Variants in NAP1L4 observed in about 807,000 individuals in gnomAD.
NAP1L4 encodes nucleosome assembly protein 1 like 4, also known as nucleosome assembly protein 1-like 4.
Under a neutral mutation model 58.2 loss-of-function variants are expected in NAP1L4, and 15 were observed. The ratio of observed to expected loss-of-function variants is 0.26; its 90% CI spans 0.17 to 0.40. The LOEUF (loss-of-function observed/expected upper bound fraction) is 0.40, where lower values mean the gene tolerates loss of function less well. Among genes scored for constraint, NAP1L4 ranks in the 10% least tolerant of loss-of-function variants. NAP1L4 has a pLI of 1.00. For synonymous variants in NAP1L4, 171 were observed against 155.6 expected, an observed-to-expected ratio of 1.10 and a Z score of -0.74; for missense variants, 384 against 451.1, an observed-to-expected ratio of 0.85 and a Z score of 1.35.
In NAP1L4 at chr11:2,946,490, A is replaced by G. The variant is rs16928823; in HGVS notation, c.*33-844T>C. On this transcript the variant is annotated intron_variant, in intron 15 of 15. Transcript: ENST00000380542. This position sits in a 1 kb window ranked among gnomAD's most constrained non-coding sequence, Gnocchi z 4.8. ...ATGCTTCTGCGCTAGTAACTTTACG[A>G]ACCTGTAACCTATGATTTCTGGCTA... Among the ~76,000 whole-genome samples, 441 of 152,344 alleles carry G rather than the reference A, an allele frequency of 2.9e-3. No homozygotes were observed. The highest frequency in any genetic ancestry group is 0.01 in the African/African-American group (424 of 41,570).
In NAP1L4 at chr11:2,959,941, T is replaced by C; in HGVS notation, c.607-32A>G. On this transcript the variant is annotated intron_variant, in intron 8 of 15. Coordinates refer to ENST00000380542, the MANE Select transcript of NAP1L4 (RefSeq NM_005969.4). This position sits in a 1 kb window ranked among gnomAD's most constrained non-coding sequence, Gnocchi z 4.9. ...GTAGAAATTCAGAGTAAGCACCAGT[T>C]AAAATAGAAAAATAACGAGGACAGA... The C allele has an allele frequency of 6.2e-7, 1 of 1,609,800 alleles. No individual in the cohort carries two copies. The highest frequency in any genetic ancestry group is 8.5e-7 in the Non-Finnish European group (1 of 1,177,478).
chr11:2,970,851 C>A (rs1001717524), intron 6 of NAP1L4, among the ~76,000 whole-genome samples: 23 of 51,504 alleles, frequency 4.5e-4, no homozygotes, highest in African/African-American at 1.2e-3. Context: ...ATATACCACC[C>A]CCCCCCCAAA....
chr11:2,973,102 C>T (rs946797887), intron 4 of NAP1L4, among the ~76,000 whole-genome samples: 1 of 152,218 alleles, frequency 6.6e-6, no homozygotes, highest in Admixed American at 6.5e-5. Context: ...CATAATCACA[C>T]TGTCCAGGAA....
At position 2,945,576 on chromosome 11, in the gene NAP1L4, C is replaced by G. The variant is rs763769879; in HGVS notation, c.*103G>C. On this transcript the variant is annotated 3_prime_UTR_variant, in exon 16 of 16. Coordinates refer to ENST00000380542, the MANE Select transcript of NAP1L4 (RefSeq NM_005969.4). ...CCCGCCCACAGGCCTGGAGTCCCGA[C>G]AGCCGGTCTGCCAGGCACCCGCCTC... 6.7e-5 allele frequency: 103 copies of G among 1,534,612 alleles called. No individual in the cohort carries two copies. The highest frequency in any genetic ancestry group is 8.8e-5 in the Non-Finnish European group (101 of 1,145,806).
At position 2,955,360 on chromosome 11, in the gene NAP1L4, T is replaced by A. The variant is rs2133917365; in HGVS notation, c.915+384A>T. ...TACAGGCGCTGCCACCGTGTCCAAC[T>A]AATTTTTTTTTTTTTTGGTATTTTA... On this transcript the variant is annotated intron_variant, in intron 11 of 15. Transcript: ENST00000380542. This position sits in a 1 kb window ranked among gnomAD's most constrained non-coding sequence, Gnocchi z 4.2. Among the ~76,000 whole-genome samples, 1 of 147,222 alleles carries A rather than the reference T, an allele frequency of 6.8e-6. No individual in the cohort carries two copies. Among genetic ancestry groups the A allele is most frequent in the African/African-American group, 2.7e-5 (1 of 36,916 alleles).
At chr11:2,961,489 C>A (rs545417023) in intron 8 of NAP1L4, among the ~76,000 whole-genome samples, 2 of 142,130 alleles carry the variant, frequency 1.4e-5, no homozygotes, top group East Asian at 2.2e-4. Flanking sequence ...TCTCTCCCAA[C>A]CCTCCACGGC....
intron 4 of NAP1L4, among the ~76,000 whole-genome samples, chr11:2,975,373 TCTAGGATC>T (rs780063666): frequency 1.1e-4 from 16 of 152,046 alleles, no homozygotes; most frequent in Non-Finnish European, 1.9e-4. Flanking sequence ...ATCCTAGGAT[TCTAGGATC>T]ACCACCCTTA....
rs1845973179 is a variant in NAP1L4, at chr11:2,947,000, G to A, written c.*33-1354C>T. ...AAAATGGGATGTCAGTAAAGGAGCT[G>A]TGCAGGGACGGGGAAGACTGGGGCT... On this transcript the variant is annotated intron_variant, in intron 15 of 15. Transcript: ENST00000380542. The surrounding 1 kb of genome is among the most constrained non-coding windows in gnomAD (Gnocchi z 4.8). Among the ~76,000 whole-genome samples the A allele has an allele frequency of 6.6e-6, 1 of 152,166 alleles. No homozygotes were observed. Among genetic ancestry groups the A allele is most frequent in the African/African-American group, 2.4e-5 (1 of 41,394 alleles).
chr11:2,971,358 T>C lies in NAP1L4; in HGVS notation c.402+90A>G. ...AGCAGCACCTACTGTTAGAAGCACATAAGTTTACTAGTCATTAAAAATCAT... is the reference window on the plus strand; with the variant it reads ...AGCAGCACCTACTGTTAGAAGCACACAAGTTTACTAGTCATTAAAAATCAT... On this transcript the variant is annotated intron_variant, in intron 6 of 15. Coordinates refer to ENST00000380542, the MANE Select transcript of NAP1L4 (RefSeq NM_005969.4). The surrounding 1 kb of genome is among the most constrained non-coding windows in gnomAD (Gnocchi z 4.2). 8.8e-7 allele frequency: 1 copy of C among 1,139,478 alleles called. No homozygotes were observed. Among genetic ancestry groups the C allele is most frequent in the East Asian group, 2.5e-5 (1 of 39,516 alleles). The allele number at this position is 1,139,478 out of a possible 1,614,324, so 70.6% of individuals were successfully genotyped here.
intron 1 of NAP1L4, chr11:2,992,027 C>A: frequency 6.6e-6 from 1 of 152,280 alleles, no homozygotes; most frequent in South Asian, 1.9e-4. Flanking sequence ...GGAGGGGCCT[C>A]CCGCCAGCGC....
chr11:2,952,055 T>TA (rs1846256760), intron 12 of NAP1L4: 1 of 577,276 alleles, frequency 1.7e-6, no homozygotes, highest in South Asian at 2.1e-5. Context: ...AGCCAGGGTG[T>TA]ACCCTGGACA....
At chr11:2,958,070 A>C in intron 10 of NAP1L4, 1 of 488,144 alleles carries the variant, frequency 2.0e-6, no homozygotes, top group South Asian at 1.6e-5. Flanking sequence ...CAGGTGTCCA[A>C]GTGAGGAAGC....
In NAP1L4 at chr11:2,944,461, A is replaced by G. The variant is rs1248134262; in HGVS notation, c.*1218T>C. The G allele has an allele frequency of 2.0e-5, 3 of 152,302 alleles. No homozygotes were observed. The highest frequency in any genetic ancestry group is 4.4e-5 in the Non-Finnish European group (3 of 68,072). 9.4% of individuals were successfully genotyped at this position (152,302 alleles called of 1,614,324 possible). A position where few individuals can be genotyped will look rare whatever the true frequency, so the allele number is the denominator to read the frequency against. ...CTCAATGTTTCACCACTTTAATAGA[A>G]TATTCTAACTATTCTGTACAAATTG... On this transcript the variant is annotated 3_prime_UTR_variant, in exon 16 of 16. Coordinates refer to ENST00000380542, the MANE Select transcript of NAP1L4 (RefSeq NM_005969.4).
chr11:2,975,883 T>G (rs1847926436), intron 4 of NAP1L4, 141 bp downstream of exon 4: 1 of 718,910 alleles, frequency 1.4e-6, no homozygotes, highest in South Asian at 1.9e-5. Flanking sequence ...TCCTCTCATA[T>G]CCCAGTGCCT....
intron 9 of NAP1L4, 114 bp from the exon 10 acceptor site, chr11:2,958,658 C>T: frequency 9.3e-7 from 1 of 1,071,782 alleles, no homozygotes; most frequent in South Asian, 1.6e-5. Context: ...GAAATAAAAC[C>T]AATCTGCAAA....
intron 1 of NAP1L4, among the ~76,000 whole-genome samples, chr11:2,985,931 C>T (rs1415417615): frequency 6.6e-6 from 1 of 152,186 alleles, no homozygotes; most frequent in East Asian, 1.9e-4. Context: ...TTATATTAGT[C>T]ACTGTAACAA....
intron 1 of NAP1L4, among the ~76,000 whole-genome samples, chr11:2,988,316 C>G (rs1848765305): frequency 6.6e-6 from 1 of 152,220 alleles, no homozygotes; most frequent in African/African-American, 2.4e-5. Flanking sequence ...ATCTTGTCAT[C>G]TTGTCAATAA....
intron 10 of NAP1L4, among the ~76,000 whole-genome samples, chr11:2,956,935 T>A (rs750011375): frequency 6.6e-6 from 1 of 152,224 alleles, no homozygotes; most frequent in Non-Finnish European, 1.5e-5. Flanking sequence ...TGGTATTATG[T>A]GTTTGATTAC....
intron 7 of NAP1L4, among the ~76,000 whole-genome samples, chr11:2,968,791 G>C (rs2133962611): frequency 6.6e-6 from 1 of 152,286 alleles, no homozygotes; most frequent in Non-Finnish European, 1.5e-5. Context: ...GGACGCTGGA[G>C]CAATAAAAAC....
Sources: gnomAD v4.1 joint callset for allele counts (sites outside exome capture counted in the v4.1 genomes callset) on GRCh38, gnomAD v4.1.1 for gene constraint, Gnocchi (gnomAD v3.1) non-coding constraint, MANE v1.5 for transcripts, NCBI Gene and HGNC (gene_info 2026-07-23, HGNC 2026-07-21) for gene names.